SEC24D: variants seen among roughly 807,000 people sequenced by gnomAD.
SEC24D encodes the protein protein transport protein Sec24D.
A neutral mutation model predicts 116.9 loss-of-function variants in SEC24D; 69 were observed. The observed-to-expected ratio is 0.59, with a 90% CI of 0.49 to 0.72. SEC24D has a LOEUF of 0.72. Among genes scored for constraint, SEC24D ranks in the 30% least tolerant of loss-of-function variants. The probability of loss-of-function intolerance (pLI) is 0.00; values close to 1 mark genes in which losing one functional copy is unlikely to be tolerated. For missense variants in SEC24D, 1,131 were observed against 1,264.1 expected (o/e 0.89, Z 1.60); for synonymous variants, 405 against 442.8 (o/e 0.91, Z 1.07).
chr4:118,737,914 T>G (rs1288811111), intron 19 of SEC24D, among the ~76,000 whole-genome samples: 2 of 152,176 alleles, frequency 1.3e-5, no homozygotes, highest in Non-Finnish European at 2.9e-5. Context: ...ATGCCTAAAA[T>G]GTATTTAAGC....
At chr4:118,807,302 T>C (rs749850545) in intron 6 of SEC24D, among the ~76,000 whole-genome samples, 12 of 152,296 alleles carry the variant, frequency 7.9e-5, no homozygotes, top group Admixed American at 2.0e-4. Context: ...AAAACAATTG[T>C]TATTGATGAA....
intron 8 of SEC24D, among the ~76,000 whole-genome samples, chr4:118,792,484 G>T (rs1336818615): frequency 6.6e-6 from 1 of 152,250 alleles, no homozygotes; most frequent in Non-Finnish European, 1.5e-5. Flanking sequence ...AGAGAGATCA[G>T]ATTGTTACTG....
At chr4:118,764,133 T>G (rs1445544354) in intron 10 of SEC24D, among the ~76,000 whole-genome samples, 1 of 152,182 alleles carries the variant, frequency 6.6e-6, no homozygotes, top group Non-Finnish European at 1.5e-5. Context: ...AAGTTTTGTA[T>G]AACTGAAGAG....
intron 15 of SEC24D, 69 bp from the exon 16 acceptor site, chr4:118,741,106 T>A: frequency 1.4e-6 from 1 of 725,628 alleles, no homozygotes; most frequent in Non-Finnish European, 2.2e-6. Flanking sequence ...GTTCTCATTT[T>A]AATCCTGAGT....
At position 118,723,546 on chromosome 4, in the gene SEC24D, A is replaced by C; in HGVS notation, c.3068T>G (p.Val1023Gly). Residue 1023 changes from valine (V) to glycine (G), a missense_variant, in exon 23 of 23, where the codon GTT (valine) becomes GGT (glycine). Physicochemically the swap from Val to Gly is moderately radical, Grantham distance 109. Transcript: ENST00000280551. Reference protein sequence around the residue: ...GSSYVDFLCCVHKEICQLLN With the variant: ...GSSYVDFLCCGHKEICQLLN ...AAGCAGCTGACAGATCTCCTTGTGA[A>C]CACAACAAAGGAAATCCACATAAGA... 1 of 1,613,442 alleles carries C rather than the reference A, an allele frequency of 6.2e-7. No individual in the cohort carries two copies. The highest frequency in any genetic ancestry group is 1.1e-5 in the South Asian group (1 of 90,882).
chr4:118,735,844 C>A (rs1191459874), intron 19 of SEC24D: 1 of 151,726 alleles, frequency 6.6e-6, no homozygotes, highest in East Asian at 1.9e-4. Context: ...TAGGCATGTA[C>A]CACTACACCT....
intron 19 of SEC24D, among the ~76,000 whole-genome samples, chr4:118,733,509 T>C (rs958277626): frequency 1.3e-5 from 2 of 152,172 alleles, no homozygotes; most frequent in Non-Finnish European, 2.9e-5. Context: ...AAAAAAATAT[T>C]AAATGCCATT....
intron 9 of SEC24D, among the ~76,000 whole-genome samples, chr4:118,766,168 A>T (rs923936720): frequency 8.5e-5 from 13 of 152,264 alleles, no homozygotes; most frequent in South Asian, 2.1e-4. Context: ...TTCCCTTTAA[A>T]TTTTATTTTA....
At chr4:118,743,029 G>A (rs1726313528) in intron 15 of SEC24D, among the ~76,000 whole-genome samples, 1 of 152,024 alleles carries the variant, frequency 6.6e-6, no homozygotes, top group Non-Finnish European at 1.5e-5. Context: ...TGAAATTCAG[G>A]GGTGAATCAG....
chr4:118,752,688 G>A lies in SEC24D; in HGVS notation c.1613+9C>T, dbSNP rs915952982. 2 of 1,576,302 alleles carry A rather than the reference G, an allele frequency of 1.3e-6. No homozygotes were observed. The highest frequency in any genetic ancestry group is 1.7e-6 in the Non-Finnish European group (2 of 1,158,268). ...TTTACTTTTAAATTATAAAACACTT[G>A]ATATTTACTTATGAATCACAGATTG... On this transcript the variant is annotated intron_variant, in intron 12 of 22. Coordinates refer to ENST00000280551, the MANE Select transcript of SEC24D (RefSeq NM_014822.4).
chr4:118,742,375 G>GGT (rs1553923030), intron 15 of SEC24D, among the ~76,000 whole-genome samples: 6 of 151,466 alleles, frequency 4.0e-5, no homozygotes, highest in South Asian at 2.1e-4. Flanking sequence ...TGGAAAAGTG[G>GGT]GGGGGGGAAA....
intron 6 of SEC24D, among the ~76,000 whole-genome samples, chr4:118,812,379 G>A (rs1293013945): frequency 2.0e-5 from 3 of 152,038 alleles, no homozygotes; most frequent in Non-Finnish European, 2.9e-5. Flanking sequence ...TCATCCTTCC[G>A]TGCCCAAATG....
chr4:118,762,434 G>A (rs765385094), intron 10 of SEC24D, among the ~76,000 whole-genome samples: 5 of 152,130 alleles, frequency 3.3e-5, no homozygotes, highest in African/African-American at 7.2e-5. Flanking sequence ...TGGGTTCACC[G>A]TGAGGACTAA....
At chr4:118,799,348 G>C (rs1271428483) in intron 7 of SEC24D, among the ~76,000 whole-genome samples, 2 of 152,102 alleles carry the variant, frequency 1.3e-5, no homozygotes, top group Admixed American at 1.3e-4. Context: ...TGTTTTAACG[G>C]GTGTGCGGGT....
intron 10 of SEC24D, among the ~76,000 whole-genome samples, chr4:118,762,288 A>G (rs1285223681): frequency 1.3e-5 from 2 of 152,130 alleles, no homozygotes; most frequent in East Asian, 3.8e-4. Flanking sequence ...TGTACTGATT[A>G]GAGAATAGGG....
In SEC24D at chr4:118,752,796, T is replaced by G. The variant is rs748910852; in HGVS notation, c.1514A>C (p.Gln505Pro). Residue 505 changes from glutamine (Q) to proline (P), a missense_variant, in exon 12 of 23, where the codon CAG becomes CCG. Gln to Pro is a moderately conservative substitution (Grantham distance 76). Coordinates refer to ENST00000280551, the MANE Select transcript of SEC24D (RefSeq NM_014822.4). ...ATCAGTCACCACCATCATCTGAGGCTGGGCCAGATTACTCTTCACATTAAA... is the reference window on the plus strand; with the variant it reads ...ATCAGTCACCACCATCATCTGAGGCGGGGCCAGATTACTCTTCACATTAAA... ...HFFNVKSNLA[Q>P]PQMMVVTDVG... 6.2e-7 allele frequency: 1 copy of G among 1,612,052 alleles called. No individual in the cohort carries two copies. Among genetic ancestry groups the G allele is most frequent in the Admixed American group, 1.7e-5 (1 of 59,634 alleles).
intron 8 of SEC24D, among the ~76,000 whole-genome samples, chr4:118,795,517 C>G (rs912630739): frequency 4.4e-4 from 67 of 152,042 alleles, no homozygotes; most frequent in African/African-American, 1.5e-3. Flanking sequence ...CCTAAAACCT[C>G]TTATAGTAGG....
At chr4:118,771,762 A>G (rs541364170) in intron 8 of SEC24D, among the ~76,000 whole-genome samples, 7 of 152,326 alleles carry the variant, frequency 4.6e-5, no homozygotes, top group African/African-American at 1.7e-4. Flanking sequence ...GTAAAATTTT[A>G]AAAGTCTTCT....
At chr4:118,732,003 G>T (rs1014397276) in intron 20 of SEC24D, among the ~76,000 whole-genome samples, 1 of 142,218 alleles carries the variant, frequency 7.0e-6, no homozygotes, top group Non-Finnish European at 1.5e-5. Flanking sequence ...GCTGAAGTGG[G>T]ATGGGGAAAG....
Sources: allele counts gnomAD v4.1 joint callset (sites outside exome capture counted in the v4.1 genomes callset), GRCh38; gene constraint gnomAD v4.1.1; transcripts MANE v1.5; gene names NCBI Gene and HGNC (gene_info 2026-07-23, HGNC 2026-07-21).